The following NRXN1 variants were observed in gnomAD, a reference collection of about 807,000 sequenced individuals.
NRXN1 encodes neurexin 1.
Under a neutral mutation model 150.9 loss-of-function variants are expected in NRXN1, and 39 were observed. The observed-to-expected ratio is 0.26, with a 90% CI of 0.20 to 0.34. The LOEUF (loss-of-function observed/expected upper bound fraction) is 0.34, where lower values mean the gene tolerates loss of function less well. Among genes scored for constraint, NRXN1 ranks in the 10% least tolerant of loss-of-function variants. NRXN1 has a pLI of 1.00. For synonymous variants in NRXN1, 924 were observed against 757.0 expected, an observed-to-expected ratio of 1.22 and a Z score of -3.62; for missense variants, 1,815 against 1,949.9, an observed-to-expected ratio of 0.93 and a Z score of 1.30.
intron 19 of NRXN1, among the ~76,000 whole-genome samples, chr2:50,060,145 C>T (rs920442554): frequency 2.0e-5 from 3 of 152,114 alleles, no homozygotes; most frequent in Non-Finnish European, 4.4e-5. Context: ...AGGAGGGAAG[C>T]GGCTGTACCC....
Position 50,785,756 on chromosome 2 carries a change from G to C in NRXN1, c.832+136113C>G, listed in dbSNP as rs533899859. On this transcript the variant is annotated intron_variant, in intron 5 of 22. Transcript: ENST00000401669. ...CTTCTGCTTGGTAGTTTTGCAGGAT[G>C]AAGCAGAAGTCACGTGGGTTCCCTG... Among the ~76,000 whole-genome samples, 506 of 152,236 alleles carry C rather than the reference G, an allele frequency of 3.3e-3. 5 individuals carry two copies. Among genetic ancestry groups the C allele is most frequent in the Non-Finnish European group, 4.5e-3 (304 of 68,032 alleles).
intron 17 of NRXN1, among the ~76,000 whole-genome samples, chr2:50,425,927 G>A (rs1572925686): frequency 6.6e-6 from 1 of 152,140 alleles, no homozygotes; most frequent in Non-Finnish European, 1.5e-5. Flanking sequence ...TACTAAAGAG[G>A]AGGCACACTG....
At chr2:50,575,729 C>A (rs1671346450) in intron 8 of NRXN1, among the ~76,000 whole-genome samples, 1 of 152,096 alleles carries the variant, frequency 6.6e-6, no homozygotes, top group African/African-American at 2.4e-5. Flanking sequence ...GTTTTGCTTA[C>A]CATTTTTCCC....
At chr2:50,857,785 C>A (rs1323211846) in intron 5 of NRXN1, among the ~76,000 whole-genome samples, 1 of 151,386 alleles carries the variant, frequency 6.6e-6, no homozygotes, top group East Asian at 1.9e-4. Context: ...GCATCTAATA[C>A]TGTAATTCAT....
rs528072544 is a variant in NRXN1 at position 49,971,513 on chromosome 2, T to C, written c.4129-27722A>G. Among the ~76,000 whole-genome samples, 4 of 152,290 alleles carry C rather than the reference T, an allele frequency of 2.6e-5. No individual in the cohort carries two copies. In the East Asian group the frequency reaches 5.8e-4, roughly 22 times the overall value. On this transcript the variant is annotated intron_variant, in intron 21 of 22. Transcript: ENST00000401669. ...CATTCCATTCTGCCCATAAGGAGAA[T>C]GTGTCTCTTAGCCTACTGGGCAACC... is the stretch of plus-strand genomic sequence containing the variant.
intron 17 of NRXN1, among the ~76,000 whole-genome samples, chr2:50,367,556 T>G (rs1398690867): frequency 6.6e-6 from 1 of 151,842 alleles, no homozygotes; most frequent in African/African-American, 2.4e-5. Flanking sequence ...GATTGGGGGG[T>G]TTGGTTCTAA....
At chr2:49,946,853 TA>T (rs1197470516) in intron 21 of NRXN1, among the ~76,000 whole-genome samples, 2 of 152,174 alleles carry the variant, frequency 1.3e-5, no homozygotes, top group African/African-American at 4.8e-5. Context: ...CTGGTACCAG[TA>T]CCAAAACAGA....
chr2:50,946,271 AAG>A (rs1274465084), intron 2 of NRXN1, among the ~76,000 whole-genome samples: 1 of 152,164 alleles, frequency 6.6e-6, no homozygotes, highest in Non-Finnish European at 1.5e-5. Context: ...ATTAGTACTA[AAG>A]AGATATTTGT....
intron 17 of NRXN1, among the ~76,000 whole-genome samples, chr2:50,437,566 T>C (rs2085550782): frequency 6.6e-6 from 1 of 152,130 alleles, no homozygotes; most frequent in South Asian, 2.1e-4. Context: ...AGTGTGTTTG[T>C]TGATATCATG....
At chr2:50,991,375 G>A (rs1698512790) in intron 2 of NRXN1, among the ~76,000 whole-genome samples, 1 of 152,022 alleles carries the variant, frequency 6.6e-6, no homozygotes, top group Non-Finnish European at 1.5e-5. Context: ...AGATCCAACT[G>A]CAGTAGTACC....
At chr2:50,013,425 G>C (rs906703202) in intron 21 of NRXN1, among the ~76,000 whole-genome samples, 1 of 152,088 alleles carries the variant, frequency 6.6e-6, no homozygotes, top group Admixed American at 6.6e-5. Flanking sequence ...TTGACCTCTT[G>C]AATTGTTGGC....
chr2:50,845,945 G>A (rs887493675), intron 5 of NRXN1, among the ~76,000 whole-genome samples: 6 of 152,160 alleles, frequency 3.9e-5, no homozygotes, highest in Admixed American at 3.3e-4. Context: ...CCATGAATTT[G>A]TTAGCTTGCA....
intron 17 of NRXN1, among the ~76,000 whole-genome samples, chr2:50,372,848 T>C (rs770675440): frequency 2.6e-5 from 4 of 152,082 alleles, no homozygotes; most frequent in Admixed American, 6.6e-5. Flanking sequence ...AGAAGCAACA[T>C]TGATCCTACC....
chr2:50,920,507 C>A (rs1685860857), intron 5 of NRXN1, among the ~76,000 whole-genome samples: 2 of 151,768 alleles, frequency 1.3e-5, no homozygotes, highest in South Asian at 4.2e-4. Context: ...CATACAAATA[C>A]ACATATGCAT....
intron 19 of NRXN1, among the ~76,000 whole-genome samples, chr2:50,075,797 GA>G (rs11410198): frequency 1.3e-5 from 2 of 149,658 alleles, no homozygotes; most frequent in Admixed American, 1.3e-4. Flanking sequence ...GGTGACAAAG[GA>G]AAAAAAAAAC....
At chr2:49,926,264 T>C (rs1483746972) in intron 22 of NRXN1, 5 of 398,234 alleles carry the variant, frequency 1.3e-5, no homozygotes, top group African/African-American at 2.1e-5. Flanking sequence ...TCCCTGGGAC[T>C]CTTGCACTTA....
intron 22 of NRXN1, among the ~76,000 whole-genome samples, chr2:49,936,087 G>C (rs1010611686): frequency 1.3e-5 from 2 of 152,158 alleles, no homozygotes; most frequent in Non-Finnish European, 2.9e-5. Context: ...AACTTATGCT[G>C]TACTCACTAC....
At chr2:50,860,599 G>T (rs1675987041) in intron 5 of NRXN1, among the ~76,000 whole-genome samples, 1 of 152,072 alleles carries the variant, frequency 6.6e-6, no homozygotes, top group South Asian at 2.1e-4. Context: ...TTATGGAAAG[G>T]AGTAGTTTGC....
At chr2:50,197,498 T>C (rs1342324670) in intron 18 of NRXN1, among the ~76,000 whole-genome samples, 4 of 152,162 alleles carry the variant, frequency 2.6e-5, no homozygotes, top group Non-Finnish European at 5.9e-5. Flanking sequence ...TTTTGATGTC[T>C]ACGTTACAGA....
Sources: gnomAD v4.1 joint callset for allele counts (sites outside exome capture counted in the v4.1 genomes callset) on GRCh38, gnomAD v4.1.1 for gene constraint, MANE v1.5 for transcripts, NCBI Gene and HGNC (gene_info 2026-07-23, HGNC 2026-07-21) for gene names.